NT5C2: variants seen among roughly 807,000 people sequenced by gnomAD.
NT5C2 encodes the protein 5'-nucleotidase, cytosolic II.
A neutral mutation model predicts 76.1 loss-of-function variants in NT5C2; 58 were observed. The observed-to-expected ratio is 0.76, with a 90% confidence interval of 0.62 to 0.95. The LOEUF (loss-of-function observed/expected upper bound fraction) is 0.95. Ranked by LOEUF, NT5C2 falls within the 40% of genes least tolerant of loss-of-function variation. NT5C2 has a pLI of 0.00. For synonymous variants in NT5C2, 229 were observed against 237.4 expected, an observed-to-expected ratio of 0.96 and a Z score of 0.32; for missense variants, 478 against 690.3, an observed-to-expected ratio of 0.69 and a Z score of 3.45.
At chr10:103,141,183 G>T (rs2136321343) in intron 3 of NT5C2, among the ~76,000 whole-genome samples, 1 of 152,324 alleles carries the variant, frequency 6.6e-6, no homozygotes, top group South Asian at 2.1e-4. Flanking sequence ...AAGGTTGGGA[G>T]CAGTGGCTCA....
intron 3 of NT5C2, among the ~76,000 whole-genome samples, chr10:103,142,408 A>G (rs11191577): frequency 0.41 from 62,349 of 151,910 alleles, 12,994 homozygotes; most frequent in East Asian, 0.56. Context: ...CAGGTGTAGT[A>G]GCTCACGCCT....
chr10:103,185,665 G>GAAAAAAAAAAAAAAAAAAAGA (rs75386040), intron 1 of NT5C2, among the ~76,000 whole-genome samples: 1 of 116,416 alleles, frequency 8.6e-6, no homozygotes. Flanking sequence ...AAAAAAAAAG[G>GAAAAAAAAAAAAAAAAAAAGA]AAAAAAAAAA....
intron 4 of NT5C2, among the ~76,000 whole-genome samples, chr10:103,127,322 G>T (rs942708134): frequency 4.6e-5 from 7 of 152,100 alleles, no homozygotes; most frequent in Non-Finnish European, 8.8e-5. Flanking sequence ...CAAGATTTTT[G>T]CATATTTTGT....
Position 103,147,219 on chromosome 10 carries a change from C to T in NT5C2, c.102-7740G>A, listed in dbSNP as rs866262206. On this transcript the variant is annotated intron_variant, in intron 3 of 18. Coordinates refer to ENST00000404739, the MANE Select transcript of NT5C2 (RefSeq NM_001351169.2). ...AGAACTTTTAGTCATCGCTCACTAC[C>T]TACCCAATTAATAAATTGCAAATTA... Among the ~76,000 whole-genome samples the T allele has an allele frequency of 5.9e-5, 9 of 152,310 alleles. No homozygotes were observed. The South Asian group carries it at 1.2e-3, about 21-fold the overall frequency.
intron 3 of NT5C2, chr10:103,145,951 G>T (rs923864575): frequency 2.1e-6 from 1 of 467,834 alleles, no homozygotes; most frequent in Non-Finnish European, 2.8e-6. Flanking sequence ...TAAGTAACAT[G>T]AACATGCAAT....
At chr10:103,155,181 A>G (rs987908244) in intron 3 of NT5C2, among the ~76,000 whole-genome samples, 9 of 152,206 alleles carry the variant, frequency 5.9e-5, no homozygotes, top group African/African-American at 2.2e-4. Flanking sequence ...AGCTAGTGAG[A>G]AGGTCCATTC....
At chr10:103,166,726 C>A (rs1056379836) in intron 3 of NT5C2, among the ~76,000 whole-genome samples, 4 of 152,136 alleles carry the variant, frequency 2.6e-5, no homozygotes, top group Non-Finnish European at 5.9e-5. Context: ...AATCAAAACT[C>A]ATTGCAACCT....
intron 4 of NT5C2, among the ~76,000 whole-genome samples, chr10:103,129,771 C>G (rs2077663110): frequency 1.8e-5 from 2 of 111,636 alleles, no homozygotes; most frequent in Non-Finnish European, 3.8e-5. Context: ...CAGCCCCCCG[C>G]CCGGCCAGCC....
intron 2 of NT5C2, among the ~76,000 whole-genome samples, chr10:103,179,002 G>T (rs186418688): frequency 6.8e-6 from 1 of 146,372 alleles, no homozygotes; most frequent in African/African-American, 2.5e-5. Context: ...AGGCTGGAGT[G>T]CAGTGATGCG....
At chr10:103,143,837 C>T (rs2133336412) in intron 3 of NT5C2, among the ~76,000 whole-genome samples, 1 of 152,060 alleles carries the variant, frequency 6.6e-6, no homozygotes, top group Admixed American at 6.6e-5. Flanking sequence ...TGCCTATAGT[C>T]TCAGCTACTC....
chr10:103,173,049 A>G (rs2088660057), intron 3 of NT5C2, among the ~76,000 whole-genome samples: 1 of 151,992 alleles, frequency 6.6e-6, no homozygotes, highest in Admixed American at 6.6e-5. Context: ...GGGTCTCATC[A>G]TATTGCCCAG....
chr10:103,130,583 T>TAAAAAAAAAAAAAAAAAAAAAATAA (rs5787482), intron 4 of NT5C2, among the ~76,000 whole-genome samples: 1 of 137,370 alleles, frequency 7.3e-6, no homozygotes, highest in African/African-American at 2.7e-5. Flanking sequence ...AAATAAAAAT[T>TAAAAAAAAAAAAAAAAAAAAAATAA]AAAAAAAAAA....
At chr10:103,137,134 T>G (rs2079446437) in intron 4 of NT5C2, among the ~76,000 whole-genome samples, 1 of 152,214 alleles carries the variant, frequency 6.6e-6, no homozygotes, top group Non-Finnish European at 1.5e-5. Context: ...TAACTTCTAT[T>G]TCTGCTTTAG....
At chr10:103,091,683 TA>T in intron 15 of NT5C2, 68 bp from the exon 16 acceptor site, 1 of 1,324,446 alleles carries the variant, frequency 7.6e-7, no homozygotes, top group Non-Finnish European at 1.1e-6. Flanking sequence ...TAACTGCTGC[TA>T]AACTAAAAGG....
At chr10:103,097,910 A>G (rs2068598492) in intron 10 of NT5C2, 1 of 442,700 alleles carries the variant, frequency 2.3e-6, no homozygotes, top group Admixed American at 3.4e-5. Context: ...GGAAAGAAAA[A>G]TATCTTTTCC....
At chr10:103,109,634 AT>A (rs2135382041) in intron 4 of NT5C2, among the ~76,000 whole-genome samples, 1 of 152,328 alleles carries the variant, frequency 6.6e-6, no homozygotes, top group Non-Finnish European at 1.5e-5. Context: ...CAGAAGGACA[AT>A]TTGCTGGATA....
chr10:103,093,393 A>T (rs1330789518), intron 14 of NT5C2, 84 bp from the exon 15 acceptor site: 2 of 1,128,152 alleles, frequency 1.8e-6, no homozygotes, highest in African/African-American at 3.2e-5. Context: ...AAATACTATG[A>T]TTCATTTTAT....
intron 4 of NT5C2, among the ~76,000 whole-genome samples, chr10:103,109,220 C>A (rs1048741979): frequency 3.9e-5 from 6 of 151,950 alleles, no homozygotes; most frequent in Admixed American, 2.6e-4. Flanking sequence ...CTCCCATCCC[C>A]CTAAAAAAAA....
chr10:103,145,932 T>G, intron 3 of NT5C2: 1 of 312,460 alleles, frequency 3.2e-6, no homozygotes, highest in Non-Finnish European at 4.7e-6. Flanking sequence ...ATAAGAATAT[T>G]CTCACACTTA....
Sources: gnomAD v4.1 joint callset for allele counts (sites outside exome capture counted in the v4.1 genomes callset) on GRCh38, gnomAD v4.1.1 for gene constraint, MANE v1.5 for transcripts, NCBI Gene and HGNC (gene_info 2026-07-23, HGNC 2026-07-21) for gene names.